Variants in ADAM22 observed in about 807,000 individuals in gnomAD.
ADAM22 encodes the protein disintegrin and metalloproteinase domain-containing protein 22.
Under a neutral mutation model 144.6 loss-of-function variants are expected in ADAM22, and 65 were observed. That is an observed-to-expected ratio of 0.45 (90% CI 0.37 to 0.55). ADAM22 has a LOEUF of 0.55. Among genes scored for constraint, ADAM22 ranks in the 20% least tolerant of loss-of-function variants. The pLI, the probability that ADAM22 is intolerant of heterozygous loss-of-function variation, is 0.00. For synonymous variants in ADAM22, 391 were observed against 412.6 expected (o/e 0.95, Z 0.63); for missense variants, 974 against 1,184.9 (o/e 0.82, Z 2.61).
intron 22 of ADAM22, among the ~76,000 whole-genome samples, chr7:88,162,285 A>G (rs1841915756): frequency 6.6e-6 from 1 of 152,120 alleles, no homozygotes; most frequent in South Asian, 2.1e-4. Context: ...CTAAATGATG[A>G]GAACACATGG....
In ADAM22 at chr7:88,075,430, C is replaced by T. The variant is rs115150797; in HGVS notation, c.324-196C>T. ...ACAGGTGGTGTAGGCAGTTCAACCTCATGTCCTTTTAGAAATACTGGGTGT... is the reference window on the plus strand; with the variant it reads ...ACAGGTGGTGTAGGCAGTTCAACCTTATGTCCTTTTAGAAATACTGGGTGT... On this transcript the variant is annotated intron_variant, in intron 3 of 31. Transcript: ENST00000413139. Among the ~76,000 whole-genome samples, 433 of 151,972 alleles carry T rather than the reference C, an allele frequency of 2.8e-3. 2 individuals carry two copies. Among genetic ancestry groups the T allele is most frequent in the African/African-American group, 0.01 (418 of 41,458 alleles).
intron 3 of ADAM22, among the ~76,000 whole-genome samples, chr7:88,057,112 A>G (rs978524511): frequency 1.9e-4 from 28 of 147,606 alleles, no homozygotes; most frequent in African/African-American, 5.8e-4. Flanking sequence ...TAATGTCTAC[A>G]GCACATTATT....
intron 2 of ADAM22, among the ~76,000 whole-genome samples, chr7:87,962,642 A>T (rs1275263608): frequency 6.6e-6 from 1 of 151,830 alleles, no homozygotes; most frequent in Non-Finnish European, 1.5e-5. Flanking sequence ...TGAAGATGGA[A>T]TCTTGCTGTG....
chr7:88,107,577 T>G (rs1313796128), intron 4 of ADAM22, among the ~76,000 whole-genome samples: 1 of 152,034 alleles, frequency 6.6e-6, no homozygotes, highest in Non-Finnish European at 1.5e-5. Context: ...TTTCCTTTCT[T>G]TTCTTTTTTT....
At chr7:88,194,965 G>C (rs1305357291) in intron 31 of ADAM22, among the ~76,000 whole-genome samples, 1 of 152,198 alleles carries the variant, frequency 6.6e-6, no homozygotes, top group East Asian at 1.9e-4. Context: ...CTTTACCACA[G>C]TCCTGTGGAG....
chr7:88,115,804 C>A (rs1336463527), intron 6 of ADAM22, among the ~76,000 whole-genome samples: 1 of 152,186 alleles, frequency 6.6e-6, no homozygotes, highest in Admixed American at 6.5e-5. Flanking sequence ...TTTTAAGGCT[C>A]TATGCTGATG....
At chr7:87,996,529 T>A (rs565844641) in intron 3 of ADAM22, among the ~76,000 whole-genome samples, 1 of 152,242 alleles carries the variant, frequency 6.6e-6, no homozygotes, top group Non-Finnish European at 1.5e-5. Flanking sequence ...TATAATCACA[T>A]TGGAGGTTAG....
intron 4 of ADAM22, among the ~76,000 whole-genome samples, chr7:88,103,183 C>T (rs1282915191): frequency 6.6e-6 from 1 of 152,122 alleles, no homozygotes; most frequent in Non-Finnish European, 1.5e-5. Context: ...CTGTCAAAGT[C>T]TAGTTTCCTT....
chr7:88,072,216 A>T (rs1209068610), intron 3 of ADAM22, among the ~76,000 whole-genome samples: 1 of 152,078 alleles, frequency 6.6e-6, no homozygotes, highest in Non-Finnish European at 1.5e-5. Context: ...CAATACTTGT[A>T]TATAGAGGCT....
At chr7:87,982,068 T>TATAC (rs1244517564) in intron 3 of ADAM22, among the ~76,000 whole-genome samples, 1,048 of 93,658 alleles carry the variant, frequency 0.011, 13 homozygotes, top group Middle Eastern at 0.049. Flanking sequence ...TATATATATA[T>TATAC]ACACACACAC....
intron 3 of ADAM22, among the ~76,000 whole-genome samples, chr7:88,032,037 A>G (rs1800396468): frequency 6.6e-6 from 1 of 152,270 alleles, no homozygotes; most frequent in Admixed American, 6.5e-5. Flanking sequence ...AGTCTACTGC[A>G]GGGACAGAGC....
rs1479910600 is a variant in ADAM22, at chr7:88,196,471, C to A, written c.2875C>A (p.Leu959Ile). Residue 959 changes from leucine to isoleucine, a missense_variant and splice_region_variant, in exon 32 of 32, where the codon CTA becomes ATA. By Grantham distance (5) the Leu-to-Ile change is conservative (BLOSUM62 2). Around this residue, in one of 2 missense-constraint regions of ADAM22, gnomAD observed 734 missense variants for 950.6 expected, o/e 0.77. Coordinates refer to ENST00000413139, the MANE Select transcript of ADAM22 (RefSeq NM_001324418.2). ...AATTTTGCTCTTTTCTGTTGTGCAG[C>A]TATGGGAGACATCCATTTAAGATCA... ...DKKVNRQSAR[L>I]WETSI The A allele has an allele frequency of 1.2e-6, 2 of 1,613,990 alleles. No individual in the cohort carries two copies. The highest frequency in any genetic ancestry group is 1.7e-6 in the Non-Finnish European group (2 of 1,180,020).
intron 2 of ADAM22, among the ~76,000 whole-genome samples, chr7:87,944,074 T>C (rs1410286881): frequency 1.3e-5 from 2 of 152,200 alleles, no homozygotes; most frequent in African/African-American, 4.8e-5. Flanking sequence ...GACCACTTAT[T>C]CTGCTTCACA....
In ADAM22 at chr7:88,163,114, T is replaced by C; in HGVS notation, c.2010T>C (p.Pro670=). ...TGTGCTTAGAACACAGGTGTCTTCC[T>C]GTGGCTTCTTTCAACTTTAGTACTT... ...QMMCLEHRCL[P]VASFNFSTCL... is the part of the protein sequence containing the mutation. Residue 670 remains proline (P), a synonymous_variant, in exon 23 of 32, where the codon CCT becomes CCC. Coordinates refer to ENST00000413139, the MANE Select transcript of ADAM22 (RefSeq NM_001324418.2). 6.2e-7 allele frequency: 1 copy of C among 1,612,402 alleles called. No individual in the cohort carries two copies.
chr7:88,174,852 C>A (rs1845246451), intron 26 of ADAM22, among the ~76,000 whole-genome samples: 1 of 151,998 alleles, frequency 6.6e-6, no homozygotes, highest in Non-Finnish European at 1.5e-5. Flanking sequence ...TACTTGTGAA[C>A]TTCTCATCTT....
chr7:88,039,464 A>AAAAAAAAAAAATATATATAT, intron 3 of ADAM22, among the ~76,000 whole-genome samples: 59 of 76,376 alleles, frequency 7.7e-4, no homozygotes, highest in African/African-American at 2.7e-3. Context: ...AAAAAAAAAA[A>AAAAAAAAAAAATATATATAT]ATATATATAT....
At chr7:87,953,690 G>C (rs1845833450) in intron 2 of ADAM22, among the ~76,000 whole-genome samples, 1 of 151,908 alleles carries the variant, frequency 6.6e-6, no homozygotes, top group African/African-American at 2.4e-5. Flanking sequence ...CAATTCCTGG[G>C]TATCCTTGTT....
rs1365807789 is a variant in ADAM22 at position 88,145,410 on chromosome 7, C to T, written c.1393-5C>T. ...TGATGTTTTGAAAATGTTTATATTCCTTAGGAATGTGTCCTTGAAGGAGCA... is the reference window on the plus strand; with the variant it reads ...TGATGTTTTGAAAATGTTTATATTCTTTAGGAATGTGTCCTTGAAGGAGCA... On this transcript the variant is annotated splice_region_variant and splice_polypyrimidine_tract_variant and intron_variant, in intron 16 of 31. Coordinates refer to ENST00000413139, the MANE Select transcript of ADAM22 (RefSeq NM_001324418.2). 6.2e-7 allele frequency: 1 copy of T among 1,611,100 alleles called. No individual in the cohort carries two copies. The highest frequency in any genetic ancestry group is 8.5e-7 in the Non-Finnish European group (1 of 1,177,926).
chr7:88,051,036 A>G (rs1237276738), intron 3 of ADAM22, among the ~76,000 whole-genome samples: 1 of 152,180 alleles, frequency 6.6e-6, no homozygotes, highest in Non-Finnish European at 1.5e-5. Flanking sequence ...GGCGATCATT[A>G]AAAAGTCAGG....
Sources: gnomAD v4.1 joint callset for allele counts (sites outside exome capture counted in the v4.1 genomes callset) on GRCh38, gnomAD v4.1.1 for gene constraint, gnomAD v4.1.1 regional missense constraint, MANE v1.5 for transcripts, NCBI Gene and HGNC (gene_info 2026-07-23, HGNC 2026-07-21) for gene names.